RIMBP2: variants seen among roughly 807,000 people sequenced by gnomAD.
RIMBP2 encodes RIMS-binding protein 2.
RIMBP2 carries 48 observed loss-of-function variants against 118.6 expected under a neutral mutation model. The ratio of observed to expected loss-of-function variants is 0.40; its 90% CI spans 0.32 to 0.51. RIMBP2 has a LOEUF of 0.51. Among genes scored for constraint, RIMBP2 ranks in the 20% least tolerant of loss-of-function variants. The pLI, the probability that RIMBP2 is intolerant of heterozygous loss-of-function variation, is 0.41. For synonymous variants in RIMBP2, 762 were observed against 742.9 expected, an observed-to-expected ratio of 1.03 and a Z score of -0.42; for missense variants, 1,551 against 1,768.3, an observed-to-expected ratio of 0.88 and a Z score of 2.20.
intron 1 of RIMBP2, among the ~76,000 whole-genome samples, chr12:130,632,229 T>C (rs1043295728): frequency 3.5e-4 from 53 of 152,216 alleles, no homozygotes; most frequent in African/African-American, 1.2e-3. Context: ...ATCGTCGTCA[T>C]TGCTGACTAC....
intron 4 of RIMBP2, among the ~76,000 whole-genome samples, chr12:130,495,099 A>C (rs549198288): frequency 7.2e-5 from 11 of 152,370 alleles, no homozygotes; most frequent in African/African-American, 2.6e-4. Context: ...CCCTACTCCA[A>C]GATGACCTTA....
chr12:130,646,152 T>TCGCTA lies in RIMBP2; in HGVS notation c.-351-17697_-351-17696insTAGCG, dbSNP rs1566422403. On this transcript the variant is annotated intron_variant, in intron 1 of 22. Coordinates refer to ENST00000690449, the MANE Select transcript of RIMBP2 (RefSeq NM_001393629.1). ...CTCTCCACCTCCCTCACCACCTGCC[T>TCGCTA]CTCCACCTCCCTCACCACCTGCCTC... Among the ~76,000 whole-genome samples the TCGCTA allele has an allele frequency of 9.1e-5, 8 of 88,048 alleles. 1 individual carries two copies. Among genetic ancestry groups the TCGCTA allele is most frequent in the East Asian group, 2.9e-4 (1 of 3,426 alleles). The allele number at this position is 88,048 out of a possible 152,430, so 57.8% of individuals were successfully genotyped here. A position where few individuals can be genotyped will look rare whatever the true frequency, so the allele number is the denominator to read the frequency against.
rs117452471 is a variant in RIMBP2 at position 130,520,314 on chromosome 12, G to A, written c.-216-2397C>T. Among the ~76,000 whole-genome samples the A allele has an allele frequency of 2.3e-3, 345 of 152,128 alleles. 4 individuals carry two copies. The highest frequency in any genetic ancestry group is 0.021 in the East Asian group (110 of 5,164). ...AATGCAAAGGGAGAGAAACATCTTC[G>A]TCTCTTTCCAATGTAGCTTCCCAAA... On this transcript the variant is annotated intron_variant, in intron 2 of 22. Transcript: ENST00000690449.
chr12:130,643,480 G>A (rs2062714324), intron 1 of RIMBP2, among the ~76,000 whole-genome samples: 1 of 152,196 alleles, frequency 6.6e-6, no homozygotes. Flanking sequence ...GCACCCCATG[G>A]GACTGGGGAC....
At chr12:130,428,655 G>T in intron 14 of RIMBP2, 1 of 221,758 alleles carries the variant, frequency 4.5e-6, no homozygotes, top group Non-Finnish European at 8.7e-6. Flanking sequence ...CCATTTCTGG[G>T]CACCCTCAGC....
intron 1 of RIMBP2, among the ~76,000 whole-genome samples, chr12:130,686,913 GGCTGTTTGCACCAACTCATTT>G (rs1310819464): frequency 6.6e-6 from 1 of 152,184 alleles, no homozygotes; most frequent in Non-Finnish European, 1.5e-5. Context: ...AGGCACAGGC[GGCTGTTTGCACCAACTCATTT>G]GCCGGCGTAT....
At chr12:130,654,488 G>C (rs1349331303) in intron 1 of RIMBP2, among the ~76,000 whole-genome samples, 1 of 152,116 alleles carries the variant, frequency 6.6e-6, no homozygotes, top group African/African-American at 2.4e-5. Flanking sequence ...ATCACTATTG[G>C]CATTTTGGTC....
Position 130,572,367 on chromosome 12 carries a change from C to A in RIMBP2, c.-216-54450G>T, listed in dbSNP as rs2057742698. 3.3e-5 allele frequency among the ~76,000 whole-genome samples: 5 copies of A among 152,276 alleles called. No individual in the cohort carries two copies. In the South Asian group the frequency reaches 8.3e-4, roughly 25 times the overall value. Reference sequence around the variant, plus strand: ...AACATGGAATCACCCCCGCAACCAGCAGTCACAAAAAACCCATTGATTTTC... The same window carrying A: ...AACATGGAATCACCCCCGCAACCAGAAGTCACAAAAAACCCATTGATTTTC... On this transcript the variant is annotated intron_variant, in intron 2 of 22. Coordinates refer to ENST00000690449, the MANE Select transcript of RIMBP2 (RefSeq NM_001393629.1).
At chr12:130,502,410 G>T (rs1308061375) in intron 4 of RIMBP2, among the ~76,000 whole-genome samples, 1 of 151,996 alleles carries the variant, frequency 6.6e-6, no homozygotes, top group Non-Finnish European at 1.5e-5. Flanking sequence ...CCCAATCCGG[G>T]TTTCATTTTT....
At chr12:130,550,618 G>A (rs185261953) in intron 2 of RIMBP2, among the ~76,000 whole-genome samples, 9 of 152,288 alleles carry the variant, frequency 5.9e-5, no homozygotes, top group East Asian at 3.9e-4. Flanking sequence ...GAGTCTAAAC[G>A]TACTGCAAAA....
At position 130,523,856 on chromosome 12, in the gene RIMBP2, G is replaced by T. The variant is rs960418231; in HGVS notation, c.-216-5939C>A. Among the ~76,000 whole-genome samples the T allele has an allele frequency of 6.6e-6, 1 of 152,112 alleles. No individual in the cohort carries two copies. The highest frequency in any genetic ancestry group is 2.4e-5 in the African/African-American group (1 of 41,412). ...ATGGGGAGAGGTGAGAGGAATTCTC[G>T]GTATCTCCTGATACAGGTCTGGTCT... On this transcript the variant is annotated intron_variant, in intron 2 of 22. Coordinates refer to ENST00000690449, the MANE Select transcript of RIMBP2 (RefSeq NM_001393629.1). The surrounding 1 kb of genome is among the most constrained non-coding windows in gnomAD (Gnocchi z 4.4).
intron 1 of RIMBP2, among the ~76,000 whole-genome samples, chr12:130,673,954 CA>C (rs34875722): frequency 7.0e-5 from 10 of 142,712 alleles, no homozygotes; most frequent in African/African-American, 1.0e-4. Context: ...TTTAAAAATA[CA>C]AAAAAAAAAA....
chr12:130,706,906 A>C (rs1469497428), intron 1 of RIMBP2, among the ~76,000 whole-genome samples: 1 of 152,166 alleles, frequency 6.6e-6, no homozygotes, highest in Non-Finnish European at 1.5e-5. Flanking sequence ...GGCATTTCCC[A>C]CAAGCTCCGC....
At chr12:130,664,431 G>GCACACA (rs1458045654) in intron 1 of RIMBP2, among the ~76,000 whole-genome samples, 5 of 39,848 alleles carry the variant, frequency 1.3e-4, no homozygotes, top group Non-Finnish European at 2.4e-4. Flanking sequence ...GCACACACAT[G>GCACACA]CATGCACGCA....
At chr12:130,649,863 G>A (rs973220003) in intron 1 of RIMBP2, among the ~76,000 whole-genome samples, 2 of 152,008 alleles carry the variant, frequency 1.3e-5, no homozygotes, top group African/African-American at 4.8e-5. Context: ...AGTGACCCCA[G>A]CACTTCACAC....
At chr12:130,661,652 C>G (rs529761705) in intron 1 of RIMBP2, among the ~76,000 whole-genome samples, 1 of 152,208 alleles carries the variant, frequency 6.6e-6, no homozygotes, top group Non-Finnish European at 1.5e-5. Flanking sequence ...CACGCAATGA[C>G]CCTATCAGTG....
At chr12:130,715,771 GC>G (rs1950285964) in intron 1 of RIMBP2, among the ~76,000 whole-genome samples, 1 of 112,416 alleles carries the variant, frequency 8.9e-6, no homozygotes, top group Non-Finnish European at 1.9e-5. Context: ...CCTCCACCCC[GC>G]CCCCAAGAAG....
intron 3 of RIMBP2, among the ~76,000 whole-genome samples, chr12:130,507,009 T>C (rs1229422961): frequency 2.6e-5 from 4 of 152,086 alleles, no homozygotes; most frequent in Non-Finnish European, 5.9e-5. Context: ...GCCTCAGTGA[T>C]TGGTTCAGGG....
Position 130,422,503 on chromosome 12 carries a change from C to A in RIMBP2, c.3188G>T (p.Arg1063Leu). The A allele has an allele frequency of 6.2e-7, 1 of 1,613,244 alleles. No homozygotes were observed. Among genetic ancestry groups the A allele is most frequent in the Non-Finnish European group, 8.5e-7 (1 of 1,179,606 alleles). The change falls in exon 17 of 23, where the codon CGT becomes CTT. Residue 1063 changes from arginine (R) to leucine (L), a missense_variant. Arg to Leu is a moderately radical substitution (Grantham distance 102). This residue lies in a region of RIMBP2 where 1,038 missense variants were observed against 1,125.1 expected (regional missense o/e 0.92). Transcript: ENST00000690449. The surrounding 1 kb of genome is among the most constrained non-coding windows in gnomAD (Gnocchi z 5.2). ...GGACCTCTGAGGACCAGCGCTGCCA[C>A]GGGGAAACCTCCGGCCCATGTGATC... ...RVDHMGRRFP[R>L]GSAGPQRSRP...
Sources: allele counts gnomAD v4.1 joint callset (sites outside exome capture counted in the v4.1 genomes callset), GRCh38; gene constraint gnomAD v4.1.1; regional missense constraint gnomAD v4.1.1; non-coding constraint Gnocchi (gnomAD v3.1); transcripts MANE v1.5; gene names NCBI Gene and HGNC (gene_info 2026-07-23, HGNC 2026-07-21).